The following LOC122539214 variants were observed in gnomAD, a reference collection of about 807,000 sequenced individuals.
chr19:52,687,578 TTATATA>T, the LOC122539214 span, among the ~76,000 whole-genome samples: 3 of 38,588 alleles, frequency 7.8e-5, no homozygotes, highest in African/African-American at 2.6e-4. Context: ...TATATAAATT[TTATATA>T]TATATATATA....
At chr19:52,672,496 C>T in the LOC122539214 span, among the ~76,000 whole-genome samples, 6 of 152,138 alleles carry the variant, frequency 3.9e-5, no homozygotes, top group South Asian at 6.2e-4. Context: ...GCCTGTAATC[C>T]GAGCATGATG....
chr19:52,680,639 G>A, the LOC122539214 span, among the ~76,000 whole-genome samples: 1 of 117,520 alleles, frequency 8.5e-6, no homozygotes, highest in African/African-American at 3.6e-5. Flanking sequence ...TTGAGACGGA[G>A]TCTCGCTCTG....
the LOC122539214 span, among the ~76,000 whole-genome samples, chr19:52,685,834 G>A: frequency 7.5e-5 from 11 of 146,842 alleles, no homozygotes; most frequent in Non-Finnish European, 1.6e-4. Context: ...GGAGGCAAAT[G>A]TTTCTGCAAG....
the LOC122539214 span, among the ~76,000 whole-genome samples, chr19:52,659,824 T>C: frequency 6.6e-6 from 1 of 152,174 alleles, no homozygotes; most frequent in African/African-American, 2.4e-5. Context: ...AATTCAGAGA[T>C]AGAGAAAGAA....
the LOC122539214 span, among the ~76,000 whole-genome samples, chr19:52,672,157 C>T: frequency 2.6e-5 from 4 of 152,112 alleles, no homozygotes; most frequent in African/African-American, 9.7e-5. Flanking sequence ...TCTCTTGAAT[C>T]CAGGAGGCAG....
At chr19:52,676,602 G>A in the LOC122539214 span, among the ~76,000 whole-genome samples, 4 of 150,736 alleles carry the variant, frequency 2.7e-5, no homozygotes, top group African/African-American at 4.9e-5. Flanking sequence ...CCCTCTGCCT[G>A]GCCACCACCC....
At chr19:52,687,616 G>GTATATATATAATGTATA in the LOC122539214 span, among the ~76,000 whole-genome samples, 3 of 15,824 alleles carry the variant, frequency 1.9e-4, 1 homozygote, top group African/African-American at 1.4e-3. Context: ...TATATAATGT[G>GTATATATATAATGTATA]TATATATATA....
chr19:52,664,920 A>G, the LOC122539214 span, among the ~76,000 whole-genome samples: 1 of 151,962 alleles, frequency 6.6e-6, no homozygotes, highest in Non-Finnish European at 1.5e-5. Flanking sequence ...GGGAAATAGT[A>G]CCTCCCTGAG....
the LOC122539214 span, among the ~76,000 whole-genome samples, chr19:52,677,993 CCACTG>C: frequency 6.6e-6 from 1 of 151,684 alleles, no homozygotes; most frequent in Non-Finnish European, 1.5e-5. Flanking sequence ...CAAGATTGCA[CCACTG>C]CACTACAACC....
At chr19:52,676,270 C>G in the LOC122539214 span, among the ~76,000 whole-genome samples, 1 of 152,206 alleles carries the variant, frequency 6.6e-6, no homozygotes, top group Non-Finnish European at 1.5e-5. Context: ...GACGGAGTCT[C>G]GTTCACTCAG....
At chr19:52,653,414 T>A in the LOC122539214 span, 2 of 860,710 alleles carry the variant, frequency 2.3e-6, no homozygotes, top group African/African-American at 1.7e-5. Context: ...TTCTCTTCAG[T>A]ATGAACTCTG....
chr19:52,655,097 G>C, the LOC122539214 span: 1 of 154,478 alleles, frequency 6.5e-6, no homozygotes, highest in East Asian at 1.9e-4. Context: ...TGAGGTATGA[G>C]AATTGCTTGA....
the LOC122539214 span, among the ~76,000 whole-genome samples, chr19:52,679,609 T>C: frequency 6.6e-6 from 1 of 151,872 alleles, no homozygotes; most frequent in Non-Finnish European, 1.5e-5. Flanking sequence ...AGACTGTATC[T>C]CAAAAAATAA....
At chr19:52,651,461 T>C in the LOC122539214 span, 2 of 152,100 alleles carry the variant, frequency 1.3e-5, no homozygotes, top group Non-Finnish European at 2.9e-5. Flanking sequence ...GATGATATAC[T>C]AGTGTCAGGG....
the LOC122539214 span, among the ~76,000 whole-genome samples, chr19:52,685,961 A>G: frequency 0.021 from 3,215 of 152,144 alleles, 47 homozygotes; most frequent in Middle Eastern, 0.044. Context: ...TTCCATGCCA[A>G]TCCAACCCAT....
At chr19:52,655,217 C>A in the LOC122539214 span, 1 of 244,198 alleles carries the variant, frequency 4.1e-6, no homozygotes, top group Non-Finnish European at 7.8e-6. Flanking sequence ...AGCAGAATCA[C>A]AGCTGGAAAC....
chr19:52,662,697 C>G, the LOC122539214 span, among the ~76,000 whole-genome samples: 14 of 152,098 alleles, frequency 9.2e-5, no homozygotes, highest in Admixed American at 3.3e-4. Flanking sequence ...CTGAGCTTTT[C>G]TTGTCTTATT....
chr19:52,681,788 G>C, the LOC122539214 span, among the ~76,000 whole-genome samples: 1 of 152,192 alleles, frequency 6.6e-6, no homozygotes, highest in Admixed American at 6.5e-5. Context: ...AGAACATGGA[G>C]CATCCTACAA....
chr19:52,651,068 A>G, the LOC122539214 span: 1 of 152,246 alleles, frequency 6.6e-6, no homozygotes, highest in Non-Finnish European at 1.5e-5. Context: ...ATGTCTCCCT[A>G]TACTACTCCA....
Sources: allele counts gnomAD v4.1 joint callset (sites outside exome capture counted in the v4.1 genomes callset), GRCh38; gene constraint gnomAD v4.1.1; transcripts MANE v1.5.